The following TNS3 variants were observed in gnomAD, a reference collection of about 807,000 sequenced individuals.
TNS3 encodes the protein tensin 3, also known as tensin-3.
Under a neutral mutation model 140.9 loss-of-function variants are expected in TNS3, and 45 were observed. That is an observed-to-expected ratio of 0.32 (90% CI 0.25 to 0.41). TNS3 has a LOEUF of 0.41. Among genes scored for constraint, TNS3 ranks in the 10% least tolerant of loss-of-function variants. The pLI, the probability that TNS3 is intolerant of heterozygous loss-of-function variation, is 1.00. For missense variants in TNS3, 1,716 were observed against 1,906.7 expected (o/e 0.90, Z 1.86); for synonymous variants, 815 against 788.4 (o/e 1.03, Z -0.56).
At position 47,344,848 on chromosome 7, in the gene TNS3, A is replaced by C; in HGVS notation, c.2567-10T>G. On this transcript the variant is annotated splice_polypyrimidine_tract_variant and intron_variant, in intron 19 of 30. Transcript: ENST00000311160. Reference sequence around the variant, plus strand: ...CGCAGCGCTGTTTTCACTGGAAAAGAAAGCAGAGCAAGGGGCTGTTGTCAC... The same window carrying C: ...CGCAGCGCTGTTTTCACTGGAAAAGCAAGCAGAGCAAGGGGCTGTTGTCAC... The C allele has an allele frequency of 6.2e-7, 1 of 1,613,942 alleles. No homozygotes were observed. Among genetic ancestry groups the C allele is most frequent in the South Asian group, 1.1e-5 (1 of 91,084 alleles).
At chr7:47,374,671 C>T (rs1791272709) in intron 16 of TNS3, among the ~76,000 whole-genome samples, 1 of 152,364 alleles carries the variant, frequency 6.6e-6, no homozygotes, top group South Asian at 2.1e-4. Context: ...AGCCCGCACC[C>T]TGCTGTTTGC....
chr7:47,450,595 C>G (rs1009395464), intron 4 of TNS3, among the ~76,000 whole-genome samples: 1 of 152,234 alleles, frequency 6.6e-6, no homozygotes, highest in South Asian at 2.1e-4. Context: ...AGACCCAAGA[C>G]CCTGGAGCAG....
intron 4 of TNS3, among the ~76,000 whole-genome samples, chr7:47,456,691 G>A (rs1213142574): frequency 3.3e-5 from 5 of 152,190 alleles, no homozygotes; most frequent in South Asian, 2.1e-4. Flanking sequence ...AACAGGGAAC[G>A]CTCAAGGACC....
chr7:47,362,125 G>C (rs950015813), intron 17 of TNS3, among the ~76,000 whole-genome samples: 1 of 152,190 alleles, frequency 6.6e-6, no homozygotes, highest in Non-Finnish European at 1.5e-5. Flanking sequence ...GCACCCAGGG[G>C]CTCTTCCACA....
chr7:47,358,099 C>A (rs1446833378), intron 17 of TNS3, among the ~76,000 whole-genome samples: 1 of 152,088 alleles, frequency 6.6e-6, no homozygotes, highest in African/African-American at 2.4e-5. Flanking sequence ...CTTTTTGGAT[C>A]ACCCCCCATC....
chr7:47,306,005 T>C (rs1786728530), intron 20 of TNS3, among the ~76,000 whole-genome samples: 1 of 152,216 alleles, frequency 6.6e-6, no homozygotes, highest in African/African-American at 2.4e-5. Context: ...CTCACAGGAC[T>C]ATCACCTCAC....
Position 47,358,411 on chromosome 7 carries a change from A to G in TNS3, c.2281+9954T>C, listed in dbSNP as rs182511730. ...CGTGGCCTCTCAAAGTGTTGGGATT[A>G]CAGGCATGAGCCACCGCGCCTGGCC... On this transcript the variant is annotated intron_variant, in intron 17 of 30. Coordinates refer to ENST00000311160, the MANE Select transcript of TNS3 (RefSeq NM_022748.12). Among the ~76,000 whole-genome samples, 462 of 152,302 alleles carry G rather than the reference A, an allele frequency of 3.0e-3. 1 individual carries two copies. The highest frequency in any genetic ancestry group is 5.0e-3 in the Non-Finnish European group (341 of 68,022).
At chr7:47,442,912 GT>G (rs1409229431) in intron 4 of TNS3, among the ~76,000 whole-genome samples, 4 of 152,208 alleles carry the variant, frequency 2.6e-5, no homozygotes, top group African/African-American at 9.7e-5. Flanking sequence ...ACTCAGGCAG[GT>G]GCAGCTCACC....
At chr7:47,569,337 G>C (rs1360324379) in intron 1 of TNS3, among the ~76,000 whole-genome samples, 1 of 152,160 alleles carries the variant, frequency 6.6e-6, no homozygotes, top group Non-Finnish European at 1.5e-5. Context: ...GGGGTCAGGA[G>C]TTCCAGACCG....
At chr7:47,488,612 T>C (rs932903954) in intron 3 of TNS3, among the ~76,000 whole-genome samples, 1 of 152,250 alleles carries the variant, frequency 6.6e-6, no homozygotes, top group African/African-American at 2.4e-5. Context: ...ATTACCTCTT[T>C]AAAGACCTTA....
chr7:47,379,021 C>T (rs189918543), intron 16 of TNS3, among the ~76,000 whole-genome samples: 3 of 152,154 alleles, frequency 2.0e-5, no homozygotes, highest in African/African-American at 4.8e-5. Flanking sequence ...CAGGCTCCGG[C>T]GCATGGAAGA....
chr7:47,335,013 T>G (rs1289104937), intron 20 of TNS3, among the ~76,000 whole-genome samples: 4 of 152,240 alleles, frequency 2.6e-5, no homozygotes, highest in Admixed American at 2.6e-4. Context: ...ATAATTTACA[T>G]CTTACATTTC....
intron 23 of TNS3, among the ~76,000 whole-genome samples, chr7:47,300,295 G>A (rs914871153): frequency 1.3e-5 from 2 of 152,258 alleles, no homozygotes; most frequent in Admixed American, 6.5e-5. Flanking sequence ...GAAAATGAAA[G>A]TTATCCTTTT....
intron 3 of TNS3, among the ~76,000 whole-genome samples, chr7:47,497,269 T>C (rs77577128): frequency 0.027 from 4,052 of 152,208 alleles, 179 homozygotes; most frequent in African/African-American, 0.092. Flanking sequence ...GAAAGAGTAG[T>C]TTCCAGCAAC....
Position 47,368,655 on chromosome 7 carries a change from G to A in TNS3, c.1991C>T (p.Ala664Val), listed in dbSNP as rs114488371. 2,089 of 1,601,210 alleles carry A rather than the reference G, an allele frequency of 1.3e-3. 28 individuals carry two copies. The African/African-American group carries it at 0.025, about 19-fold the overall frequency. Residue 664 changes from alanine to valine, a missense_variant, in exon 17 of 31, where the codon GCG becomes GTG. Ala to Val is a moderately conservative substitution (Grantham distance 64). This residue lies in a region of TNS3 where 1,163 missense variants were observed against 1,182.1 expected (regional missense o/e 0.98). Coordinates refer to ENST00000311160, the MANE Select transcript of TNS3 (RefSeq NM_022748.12). ...GTCTCCTGGAAACCTGGGTTTGAAC[G>A]CTTTGCTGGGAGAGGGCTGCTGTGT... ...PDTQQPSPSK[A>V]FKPRFPGDQV...
At chr7:47,342,613 G>C (rs1019588179) in intron 20 of TNS3, among the ~76,000 whole-genome samples, 1 of 152,224 alleles carries the variant, frequency 6.6e-6, no homozygotes, top group Non-Finnish European at 1.5e-5. Flanking sequence ...CATCAGCCCT[G>C]TATAATCTGC....
rs141108468 is a variant in TNS3 at position 47,389,142 on chromosome 7, A to C, written c.1024+7658T>G. On this transcript the variant is annotated intron_variant, in intron 16 of 30. Coordinates refer to ENST00000311160, the MANE Select transcript of TNS3 (RefSeq NM_022748.12). ...GAAGAAGAAGAAGAAGAAGAAGAAG[A>C]AGAAGAAGAAGAAGCAGAAGAAGCA... 2.1e-3 allele frequency among the ~76,000 whole-genome samples: 107 copies of C among 51,214 alleles called. 26 individuals carry two copies. The East Asian group carries it at 0.048, about 23-fold the overall frequency. 33.6% of individuals were successfully genotyped at this position (51,214 alleles called of 152,430 possible).
At chr7:47,485,188 GC>G (rs1797564901) in intron 3 of TNS3, among the ~76,000 whole-genome samples, 1 of 152,222 alleles carries the variant, frequency 6.6e-6, no homozygotes, top group South Asian at 2.1e-4. Flanking sequence ...TGAGTGAGCT[GC>G]AGGGGCGTGA....
intron 4 of TNS3, among the ~76,000 whole-genome samples, chr7:47,464,889 G>A (rs925539863): frequency 3.3e-5 from 5 of 152,096 alleles, no homozygotes; most frequent in Admixed American, 2.6e-4. Context: ...GGGAGCTCAG[G>A]ACCTCATACA....
Sources: allele counts gnomAD v4.1 joint callset (sites outside exome capture counted in the v4.1 genomes callset), GRCh38; gene constraint gnomAD v4.1.1; regional missense constraint gnomAD v4.1.1; transcripts MANE v1.5; gene names NCBI Gene and HGNC (gene_info 2026-07-23, HGNC 2026-07-21).